The following IGF1R variants were observed in gnomAD, a reference collection of about 807,000 sequenced individuals.
IGF1R encodes the protein insulin-like growth factor 1 receptor.
A neutral mutation model predicts 144.6 loss-of-function variants in IGF1R; 44 were observed. That is an observed-to-expected ratio of 0.30 (90% CI 0.24 to 0.39). The LOEUF (loss-of-function observed/expected upper bound fraction) is 0.39, where lower values mean the gene tolerates loss of function less well. Among genes scored for constraint, IGF1R ranks in the 10% least tolerant of loss-of-function variants. IGF1R has a pLI of 1.00. For missense variants in IGF1R, 1,355 were observed against 1,833.7 expected, an observed-to-expected ratio of 0.74 and a Z score of 4.77; for synonymous variants, 795 against 722.8, an observed-to-expected ratio of 1.10 and a Z score of -1.60.
intron 1 of IGF1R, among the ~76,000 whole-genome samples, chr15:98,690,612 A>T (rs910516829): frequency 6.6e-6 from 1 of 152,206 alleles, no homozygotes; most frequent in African/African-American, 2.4e-5. Context: ...TTTTAAGTAT[A>T]CAATTAATAT....
chr15:98,661,684 G>A (rs1026264219), intron 1 of IGF1R, among the ~76,000 whole-genome samples: 6 of 152,254 alleles, frequency 3.9e-5, no homozygotes, highest in East Asian at 1.9e-4. Context: ...TCTCTCCCAC[G>A]CATGGAGGCA....
intron 2 of IGF1R, among the ~76,000 whole-genome samples, chr15:98,771,619 G>GC (rs1444601633): frequency 7.2e-5 from 11 of 152,150 alleles, no homozygotes; most frequent in African/African-American, 2.7e-4. Context: ...GGTGAGGCCT[G>GC]CATGCATGTT....
At chr15:98,674,977 A>ATTTTTTTTTTTTTTTTTTTTTTTTT (rs71149408) in intron 1 of IGF1R, among the ~76,000 whole-genome samples, 1 of 98,892 alleles carries the variant, frequency 1.0e-5, no homozygotes, top group African/African-American at 4.2e-5. Flanking sequence ...GTATTTTACA[A>ATTTTTTTTTTTTTTTTTTTTTTTTT]TTTTTTTTTT....
At chr15:98,953,922 G>C (rs2016876585) in intron 20 of IGF1R, among the ~76,000 whole-genome samples, 1 of 152,184 alleles carries the variant, frequency 6.6e-6, no homozygotes, top group East Asian at 1.9e-4. Flanking sequence ...TAAGCTCACT[G>C]AGGCACACAG....
chr15:98,922,344 C>T lies in IGF1R; in HGVS notation c.2398C>T (p.Arg800Cys), dbSNP rs1318014146. The change falls in exon 11 of 21, where the codon CGC becomes TGC. Residue 800 changes from arginine to cysteine, a missense_variant. By Grantham distance (180) the Arg-to-Cys change is radical. Around this residue, in one of 7 missense-constraint regions of IGF1R, gnomAD observed 880 missense variants for 1,202.7 expected, o/e 0.73. Coordinates refer to ENST00000650285, the MANE Select transcript of IGF1R (RefSeq NM_000875.5). ...ISNLRPFTLY[R>C]IDIHSCNHEA... ...TAACCTTCGGCCTTTCACATTGTAC[C>T]GCATCGATATCCACAGCTGCAACCA... 4 of 1,614,134 alleles carry T rather than the reference C, an allele frequency of 2.5e-6. No individual in the cohort carries two copies. The highest frequency in any genetic ancestry group is 3.4e-6 in the Non-Finnish European group (4 of 1,180,018).
At chr15:98,916,266 T>TG in intron 9 of IGF1R, 135 bp downstream of exon 9, 3 of 865,928 alleles carry the variant, frequency 3.5e-6, no homozygotes, top group African/African-American at 3.4e-5. Flanking sequence ...TTCTGGTTTT[T>TG]TTTTTTTTTT....
chr15:98,727,790 T>TGGC (rs1402266706), intron 2 of IGF1R, among the ~76,000 whole-genome samples: 1 of 152,128 alleles, frequency 6.6e-6, no homozygotes, highest in Non-Finnish European at 1.5e-5. Context: ...AGTCACTGTG[T>TGGC]GGCGGCGGCA....
At chr15:98,791,203 G>C (rs566525851) in intron 2 of IGF1R, among the ~76,000 whole-genome samples, 2 of 152,238 alleles carry the variant, frequency 1.3e-5, no homozygotes, top group South Asian at 4.1e-4. Flanking sequence ...TATTCTTGTG[G>C]AGCTGCAAAG....
At chr15:98,736,899 AC>A (rs972280393) in intron 2 of IGF1R, among the ~76,000 whole-genome samples, 3 of 152,184 alleles carry the variant, frequency 2.0e-5, no homozygotes, top group African/African-American at 7.2e-5. Flanking sequence ...GGCGTGAGCC[AC>A]CGAGCCTGGC....
intron 1 of IGF1R, 48 bp downstream of exon 1, chr15:98,649,723 G>A (rs2052301483): frequency 2.1e-6 from 3 of 1,399,246 alleles, no homozygotes; most frequent in Non-Finnish European, 3.0e-6. Flanking sequence ...CTTTTCCTCC[G>A]AGGGGCTGCG....
intron 2 of IGF1R, among the ~76,000 whole-genome samples, chr15:98,788,857 G>C (rs1271534716): frequency 6.6e-6 from 1 of 152,086 alleles, no homozygotes; most frequent in Admixed American, 6.5e-5. Flanking sequence ...CAGCAAAACT[G>C]TGTACATTAC....
At chr15:98,762,037 T>A (rs1275696999) in intron 2 of IGF1R, among the ~76,000 whole-genome samples, 1 of 152,192 alleles carries the variant, frequency 6.6e-6, no homozygotes, top group Non-Finnish European at 1.5e-5. Flanking sequence ...TTGTTCCCTG[T>A]TTGGGGGCCT....
chr15:98,943,048 G>A lies in IGF1R; in HGVS notation c.3583G>A (p.Val1195Ile), dbSNP rs201014974. ...KDGVFTTYSD[V>I]WSFGVVLWEI... ...TGGAGTCTTCACCACTTACTCGGACGTCTGGTATGAGAACCTTTACTGCAT... is the reference window on the plus strand; with the variant it reads ...TGGAGTCTTCACCACTTACTCGGACATCTGGTATGAGAACCTTTACTGCAT... The change falls in exon 19 of 21, where the codon GTC becomes ATC. Residue 1195 changes from valine to isoleucine, a missense_variant. By Grantham distance (29) the Val-to-Ile change is conservative (BLOSUM62 3). Coordinates refer to ENST00000650285, the MANE Select transcript of IGF1R (RefSeq NM_000875.5). 12 of 1,614,068 alleles carry A rather than the reference G, an allele frequency of 7.4e-6. No homozygotes were observed. Among genetic ancestry groups the A allele is most frequent in the African/African-American group, 4.0e-5 (3 of 74,924 alleles).
intron 13 of IGF1R, among the ~76,000 whole-genome samples, chr15:98,926,491 T>C (rs2015725622): frequency 6.6e-6 from 1 of 152,226 alleles, no homozygotes; most frequent in African/African-American, 2.4e-5. Flanking sequence ...ATGTAATACA[T>C]ATGTTAATTA....
chr15:98,892,370 A>ATG (rs2013966927), intron 3 of IGF1R, among the ~76,000 whole-genome samples: 1 of 151,450 alleles, frequency 6.6e-6, no homozygotes, highest in African/African-American at 2.4e-5. Flanking sequence ...GGCCAACGTG[A>ATG]TGAAACCCTG....
At chr15:98,760,673 A>G (rs1414185970) in intron 2 of IGF1R, among the ~76,000 whole-genome samples, 1 of 152,172 alleles carries the variant, frequency 6.6e-6, no homozygotes, top group Non-Finnish European at 1.5e-5. Context: ...CAGGAGAAGG[A>G]GGCCAGACTG....
At chr15:98,739,570 A>G (rs527488702) in intron 2 of IGF1R, among the ~76,000 whole-genome samples, 1 of 152,102 alleles carries the variant, frequency 6.6e-6, no homozygotes, top group East Asian at 1.9e-4. Flanking sequence ...ATGATTATGA[A>G]AGTAGAAAAT....
At chr15:98,799,563 A>G (rs1463390590) in intron 2 of IGF1R, among the ~76,000 whole-genome samples, 1 of 152,162 alleles carries the variant, frequency 6.6e-6, no homozygotes, top group Non-Finnish European at 1.5e-5. Context: ...ATTTCGCAAG[A>G]TTCATTTGGT....
At chr15:98,763,220 A>T (rs1471035748) in intron 2 of IGF1R, among the ~76,000 whole-genome samples, 3 of 152,186 alleles carry the variant, frequency 2.0e-5, no homozygotes, top group African/African-American at 7.2e-5. Context: ...CTCTTATTTC[A>T]TGTTGACATA....
Sources: allele counts gnomAD v4.1 joint callset (sites outside exome capture counted in the v4.1 genomes callset), GRCh38; gene constraint gnomAD v4.1.1; regional missense constraint gnomAD v4.1.1; transcripts MANE v1.5; gene names NCBI Gene and HGNC (gene_info 2026-07-23, HGNC 2026-07-21).